The following CNN1 variants were observed in gnomAD, a reference collection of about 807,000 sequenced individuals.
CNN1 encodes the protein calponin 1, also known as calponin-1.
In CNN1, 21 loss-of-function variants were observed where a neutral mutation model predicts 35.3. The observed-to-expected ratio is 0.60, with a 90% CI of 0.42 to 0.86. CNN1 has a LOEUF of 0.86. CNN1 is among the 40% of genes least tolerant of loss of function. The pLI, the probability that CNN1 is intolerant of heterozygous loss-of-function variation, is 0.00. For synonymous variants in CNN1, 164 were observed against 161.8 expected, an observed-to-expected ratio of 1.01 and a Z score of -0.10; for missense variants, 314 against 400.8, an observed-to-expected ratio of 0.78 and a Z score of 1.85.
chr19:11,541,303 A>T, intron 2 of CNN1, 106 bp downstream of exon 2: 1 of 1,410,312 alleles, frequency 7.1e-7, no homozygotes, highest in East Asian at 2.6e-5. Flanking sequence ...AACACTTTCT[A>T]TTGGATACCT....
intron 4 of CNN1, 57 bp from the exon 5 acceptor site, chr19:11,547,740 G>T: frequency 7.1e-7 from 1 of 1,412,732 alleles, no homozygotes; most frequent in East Asian, 2.3e-5. Flanking sequence ...AGTGTCCAAG[G>T]GGACTGTGCA....
Position 11,541,130 on chromosome 19 carries a change from G to C in CNN1, c.118G>C (p.Gly40Arg), listed in dbSNP as rs376316956. The C allele has an allele frequency of 4.2e-5, 67 of 1,609,636 alleles. No individual in the cohort carries two copies. The highest frequency in any genetic ancestry group is 5.2e-5 in the Non-Finnish European group (61 of 1,177,914). The change falls in exon 2 of 7, where the codon GGG (glycine) becomes CGG (arginine). Residue 40 changes from glycine to arginine, a missense_variant. Physicochemically the swap from Gly to Arg is moderately radical, Grantham distance 125. Transcript: ENST00000252456. ...GCAGGAGCTGAGAGAGTGGATCGAG[G>C]GGGTGACAGGCCGTCGCATCGGCAA... Reference protein sequence around the residue: ...REQELREWIEGVTGRRIGNNF... With the variant: ...REQELREWIERVTGRRIGNNF...
chr19:11,539,641 T>G, intron 1 of CNN1: 1 of 720,744 alleles, frequency 1.4e-6, no homozygotes, highest in Non-Finnish European at 2.1e-6. Context: ...CTGGAGAACT[T>G]TAAGTTTCCA....
At chr19:11,545,158 G>A (rs952844668) in intron 2 of CNN1, among the ~76,000 whole-genome samples, 2 of 150,656 alleles carry the variant, frequency 1.3e-5, no homozygotes, top group South Asian at 4.2e-4. Flanking sequence ...CCGAGATCCC[G>A]CCACTGCCTT....
In CNN1 at chr19:11,547,829, A is replaced by G. The variant is rs1341459006; in HGVS notation, c.423A>G (p.Gly141=). 7 of 1,614,000 alleles carry G rather than the reference A, an allele frequency of 4.3e-6. No individual in the cohort carries two copies. The East Asian group carries it at 6.7e-5, about 15-fold the overall frequency. Residue 141 remains glycine (G), a synonymous_variant, in exon 5 of 7, where the codon GGA becomes GGG. Transcript: ENST00000252456. ...AKTKGNKVNV[G]VKYAEKQERK... ...CGAAAGGAAACAAGGTGAACGTGGG[A>G]GTGAAGTACGCAGAGAAGCAGGAGC...
chr19:11,548,426 G>C (rs758383027), intron 5 of CNN1, among the ~76,000 whole-genome samples: 1 of 152,224 alleles, frequency 6.6e-6, no homozygotes, highest in African/African-American at 2.4e-5. Flanking sequence ...GTGTCTGCCT[G>C]TGGTCCCAGC....
chr19:11,548,294 C>T (rs1166985933), intron 5 of CNN1, among the ~76,000 whole-genome samples: 3 of 152,154 alleles, frequency 2.0e-5, no homozygotes. Context: ...AATTCCAGCA[C>T]TTGGGGAGGC....
intron 2 of CNN1, among the ~76,000 whole-genome samples, chr19:11,545,977 A>G (rs111757003): frequency 0.02 from 3,060 of 152,148 alleles, 62 homozygotes; most frequent in Admixed American, 0.052. Context: ...AAAAGAAAAA[A>G]AAAAGAAAAG....
chr19:11,545,798 C>CAAAAA (rs1030710214), intron 2 of CNN1, among the ~76,000 whole-genome samples: 13 of 58,794 alleles, frequency 2.2e-4, no homozygotes, highest in African/African-American at 6.3e-4. Flanking sequence ...CCCTCTCTAC[C>CAAAAA]AAAAAAAAAA....
At position 11,546,945 on chromosome 19, in the gene CNN1, C is replaced by T. The variant is rs1245810254; in HGVS notation, c.366C>T (p.Ser122=). 1.2e-6 allele frequency: 2 copies of T among 1,614,110 alleles called. No homozygotes were observed. The highest frequency in any genetic ancestry group is 1.3e-5 in the African/African-American group (1 of 74,952). The change falls in exon 4 of 7, where the codon TCC becomes TCT. Residue 122 remains serine, a synonymous_variant. Transcript: ENST00000252456. ...FENTNHTQVQ[S]TLLALASMAK... Reference sequence around the variant, plus strand: ...ACACCAACCATACACAGGTGCAGTCCACCCTCCTGGCTTTGGCCAGCATGG... The same window carrying T: ...ACACCAACCATACACAGGTGCAGTCTACCCTCCTGGCTTTGGCCAGCATGG...
At chr19:11,542,021 C>CA (rs1409257140) in intron 2 of CNN1, 1 of 146,062 alleles carries the variant, frequency 6.8e-6, no homozygotes, top group Non-Finnish European at 1.5e-5. Context: ...ATTGCAGGCA[C>CA]ATGCCACCAC....
intron 2 of CNN1, among the ~76,000 whole-genome samples, chr19:11,546,250 A>G (rs1972578494): frequency 6.6e-6 from 1 of 151,824 alleles, no homozygotes; most frequent in African/African-American, 2.4e-5. Flanking sequence ...GGGAGAAGTG[A>G]CGCTAGGGTA....
intron 1 of CNN1, chr19:11,539,732 G>A: frequency 1.1e-6 from 1 of 891,240 alleles, no homozygotes; most frequent in Non-Finnish European, 1.6e-6. Flanking sequence ...GAGGCTCAGG[G>A]TGGCTTTTCC....
chr19:11,549,577 C>A lies in CNN1; in HGVS notation c.676C>A (p.Arg226=). 1 of 1,600,798 alleles carries A rather than the reference C, an allele frequency of 6.2e-7. No individual in the cohort carries two copies. The change falls in exon 7 of 7, where the codon CGG becomes AGG. Residue 226 remains arginine, a synonymous_variant. Transcript: ENST00000252456. This position sits in a 1 kb window ranked among gnomAD's most constrained non-coding sequence, Gnocchi z 5.2. ...TGGCATGACTGCGCCAGGGACCAAG[C>A]GGCAGATCTTCGAGCCGGGGCTGGG... ...QAGMTAPGTK[R]QIFEPGLGME... is the part of the protein sequence containing the mutation.
intron 2 of CNN1, among the ~76,000 whole-genome samples, chr19:11,545,378 A>G (rs970349163): frequency 2.0e-5 from 3 of 150,934 alleles, no homozygotes; most frequent in Non-Finnish European, 4.4e-5. Context: ...GCAGAGCCAA[A>G]GAACTTTGGA....
At chr19:11,544,380 A>G (rs1046619370) in intron 2 of CNN1, among the ~76,000 whole-genome samples, 1 of 152,114 alleles carries the variant, frequency 6.6e-6, no homozygotes, top group Non-Finnish European at 1.5e-5. Flanking sequence ...AAGAAACAAG[A>G]AGGAGGCTGG....
At chr19:11,541,578 TTTTC>T (rs763820600) in intron 2 of CNN1, among the ~76,000 whole-genome samples, 1 of 151,922 alleles carries the variant, frequency 6.6e-6, no homozygotes, top group African/African-American at 2.4e-5. Context: ...GAGGCCCTGG[TTTTC>T]TTTCTGTTTT....
intron 2 of CNN1, among the ~76,000 whole-genome samples, chr19:11,543,463 T>TATAATAATAATA (rs372575864): frequency 4.5e-4 from 66 of 147,666 alleles, no homozygotes; most frequent in East Asian, 2.0e-3. Flanking sequence ...GAACTTAAAG[T>TATAATAATAATA]ATAATAATAA....
At chr19:11,541,902 T>G (rs1383804555) in intron 2 of CNN1, 1 of 131,278 alleles carries the variant, frequency 7.6e-6, no homozygotes, top group Non-Finnish European at 1.5e-5. Flanking sequence ...TAATTTTTGT[T>G]TTTTTTTTTT....
Sources: allele counts gnomAD v4.1 joint callset (sites outside exome capture counted in the v4.1 genomes callset), GRCh38; gene constraint gnomAD v4.1.1; non-coding constraint Gnocchi (gnomAD v3.1); transcripts MANE v1.5; gene names NCBI Gene and HGNC (gene_info 2026-07-23, HGNC 2026-07-21).